The following KIF6 variants were observed in gnomAD, a reference collection of about 807,000 sequenced individuals.
KIF6 encodes the protein kinesin family member 6.
A neutral mutation model predicts 112.7 loss-of-function variants in KIF6; 106 were observed. The ratio of observed to expected loss-of-function variants is 0.94; its 90% CI spans 0.80 to 1.11. The LOEUF (loss-of-function observed/expected upper bound fraction) is 1.11, where lower values mean the gene tolerates loss of function less well. KIF6 is among the 50% of genes least tolerant of loss of function. The pLI is 0.00. For synonymous variants in KIF6, 339 were observed against 339.9 expected (o/e 1.00, Z 0.03); for missense variants, 929 against 964.0 (o/e 0.96, Z 0.48).
intron 13 of KIF6, among the ~76,000 whole-genome samples, chr6:39,474,212 C>T (rs1385214236): frequency 1.3e-5 from 2 of 152,126 alleles, no homozygotes; most frequent in Admixed American, 6.5e-5. Context: ...ATATGACTAA[C>T]TGCTAAATAG....
intron 3 of KIF6, among the ~76,000 whole-genome samples, chr6:39,670,371 T>C (rs1486106752): frequency 6.6e-6 from 1 of 152,224 alleles, no homozygotes; most frequent in African/African-American, 2.4e-5. Context: ...AGCCTACTGT[T>C]GACTAGAAGC....
chr6:39,679,087 A>G (rs971695743), intron 3 of KIF6, among the ~76,000 whole-genome samples: 7 of 152,262 alleles, frequency 4.6e-5, no homozygotes, highest in Non-Finnish European at 1.0e-4. Flanking sequence ...TACAACTAAC[A>G]TCTTTGTAAA....
chr6:39,437,958 ATACTT>A (rs1477112868), intron 13 of KIF6, among the ~76,000 whole-genome samples: 1 of 149,492 alleles, frequency 6.7e-6, no homozygotes, highest in East Asian at 1.9e-4. Context: ...TGTATTTACT[ATACTT>A]TATTTATTTA....
Position 39,342,861 on chromosome 6 carries a change from C to T in KIF6, c.2428+848G>A. 1 of 985,388 alleles carries T rather than the reference C, an allele frequency of 1.0e-6. No homozygotes were observed. Among genetic ancestry groups the T allele is most frequent in the Non-Finnish European group, 1.2e-6 (1 of 829,920 alleles). 61.0% of individuals were successfully genotyped at this position (985,388 alleles called of 1,614,324 possible). On this transcript the variant is annotated intron_variant, in intron 22 of 22. Coordinates refer to ENST00000287152, the MANE Select transcript of KIF6 (RefSeq NM_145027.6). This position sits in a 1 kb window ranked among gnomAD's most constrained non-coding sequence, Gnocchi z 4.7. The stretch of plus-strand genomic sequence containing the variant: ...CTCTTCCTGCCCAAACTGCACACGG[C>T]TGGTGGAGAAGCTGAGTGCAGGCGC...
At chr6:39,457,338 A>G (rs1773190140) in intron 13 of KIF6, among the ~76,000 whole-genome samples, 2 of 148,276 alleles carry the variant, frequency 1.3e-5, no homozygotes, top group Non-Finnish European at 3.0e-5. Flanking sequence ...CAAAGACACA[A>G]CATACCAGAA....
chr6:39,589,816 G>A (rs1582212477), intron 7 of KIF6, among the ~76,000 whole-genome samples: 1 of 152,192 alleles, frequency 6.6e-6, no homozygotes, highest in South Asian at 2.1e-4. Flanking sequence ...TGGTTGCTCT[G>A]TGTAGCAGCC....
At chr6:39,598,410 A>G (rs1782394704) in intron 6 of KIF6, among the ~76,000 whole-genome samples, 2 of 152,198 alleles carry the variant, frequency 1.3e-5, no homozygotes, top group Non-Finnish European at 2.9e-5. Flanking sequence ...TGGAGATATA[A>G]GGAAATGGGA....
chr6:39,361,993 C>G (rs1765189219), intron 17 of KIF6, among the ~76,000 whole-genome samples: 2 of 152,116 alleles, frequency 1.3e-5, no homozygotes, highest in African/African-American at 2.4e-5. Flanking sequence ...ATTCGGTGAC[C>G]ATGCTGTATA....
At chr6:39,607,583 C>CTTAT (rs150368183) in intron 6 of KIF6, among the ~76,000 whole-genome samples, 13,339 of 151,454 alleles carry the variant, frequency 0.088, 653 homozygotes, top group South Asian at 0.17. Context: ...AAATGCTATT[C>CTTAT]TTATTTATTT....
intron 6 of KIF6, among the ~76,000 whole-genome samples, chr6:39,598,712 G>A (rs932872863): frequency 6.6e-6 from 1 of 151,938 alleles, no homozygotes. Context: ...GGTGCAAGAC[G>A]CACAACCTAA....
At chr6:39,624,615 A>T (rs1783996699) in intron 5 of KIF6, among the ~76,000 whole-genome samples, 1 of 152,194 alleles carries the variant, frequency 6.6e-6, no homozygotes, top group Admixed American at 6.5e-5. Flanking sequence ...ACTAATACAC[A>T]GTTTAGAATG....
Position 39,385,621 on chromosome 6 carries a change from C to T in KIF6, c.1861+1G>A, listed in dbSNP as rs370890737. ...TTCCTGCAGATTCTCTTTGTACCTA[C>T]CTAGGGCTACTTGCTGTATATGCCG... On this transcript the variant is annotated splice_donor_variant, in intron 16 of 22. Transcript: ENST00000287152. LOFTEE classifies it high-confidence loss of function. 1 of 1,612,922 alleles carries T rather than the reference C, an allele frequency of 6.2e-7. No homozygotes were observed. The highest frequency in any genetic ancestry group is 8.5e-7 in the Non-Finnish European group (1 of 1,178,914).
intron 13 of KIF6, among the ~76,000 whole-genome samples, chr6:39,484,668 G>A (rs113227742): frequency 7.9e-5 from 12 of 152,298 alleles, no homozygotes; most frequent in African/African-American, 2.2e-4. Flanking sequence ...TCCCAGATAC[G>A]TGCAATATTA....
intron 3 of KIF6, among the ~76,000 whole-genome samples, chr6:39,665,201 C>T (rs1263999232): frequency 6.6e-6 from 1 of 152,052 alleles, no homozygotes; most frequent in African/African-American, 2.4e-5. Flanking sequence ...ATGGGTCACC[C>T]CCATATATTC....
At chr6:39,446,159 C>G (rs1772298921) in intron 13 of KIF6, among the ~76,000 whole-genome samples, 1 of 152,190 alleles carries the variant, frequency 6.6e-6, no homozygotes, top group African/African-American at 2.4e-5. Context: ...TGCCCCGGAT[C>G]TGCCATTTAT....
chr6:39,464,611 G>A (rs954103287), intron 13 of KIF6, among the ~76,000 whole-genome samples: 2 of 152,098 alleles, frequency 1.3e-5, no homozygotes, highest in Non-Finnish European at 2.9e-5. Context: ...TCCTCACCTA[G>A]CCAGGCCATC....
At chr6:39,337,172 C>CTTTCTTTCT (rs1554195075) in intron 22 of KIF6, among the ~76,000 whole-genome samples, 824 of 59,432 alleles carry the variant, frequency 0.014, 20 homozygotes, top group East Asian at 0.03. Context: ...TCTTTCCTTC[C>CTTTCTTTCT]TTCTTTCTTT....
intron 10 of KIF6, among the ~76,000 whole-genome samples, chr6:39,566,565 C>G (rs1328162785): frequency 1.3e-5 from 2 of 152,138 alleles, no homozygotes; most frequent in African/African-American, 2.4e-5. Flanking sequence ...TTTAGATAAG[C>G]AGTCTTATAT....
At chr6:39,559,540 AG>A (rs1779901425) in intron 10 of KIF6, among the ~76,000 whole-genome samples, 1 of 152,214 alleles carries the variant, frequency 6.6e-6, no homozygotes, top group African/African-American at 2.4e-5. Context: ...ATGCTTCCTC[AG>A]CCCACATTAT....
Sources: allele counts gnomAD v4.1 joint callset (sites outside exome capture counted in the v4.1 genomes callset), GRCh38; gene constraint gnomAD v4.1.1; non-coding constraint Gnocchi (gnomAD v3.1); transcripts MANE v1.5; gene names NCBI Gene and HGNC (gene_info 2026-07-23, HGNC 2026-07-21).